ZNF462: variants seen among roughly 807,000 people sequenced by gnomAD.
The protein encoded by ZNF462 is zinc finger protein 462.
A neutral mutation model predicts 201.9 loss-of-function variants in ZNF462; 10 were observed. The ratio of observed to expected loss-of-function variants is 0.05; its 90% CI spans 0.03 to 0.08. ZNF462 has a LOEUF of 0.08. Ranked by LOEUF, ZNF462 falls within the 10% of genes least tolerant of loss-of-function variation. The probability of loss-of-function intolerance (pLI) is 1.00; values close to 1 mark genes in which losing one functional copy is unlikely to be tolerated. For missense variants in ZNF462, 2,523 were observed against 3,168.3 expected (o/e 0.80, Z 4.89); for synonymous variants, 1,227 against 1,193.3 (o/e 1.03, Z -0.58).
chr9:106,969,791 C>G (rs766126195), intron 7 of ZNF462, among the ~76,000 whole-genome samples: 2 of 152,202 alleles, frequency 1.3e-5, no homozygotes, highest in African/African-American at 4.8e-5. Flanking sequence ...CACAGGCCAG[C>G]AGGACCTGGC....
chr9:106,912,400 G>T (rs1829589321), intron 1 of ZNF462, among the ~76,000 whole-genome samples: 1 of 148,662 alleles, frequency 6.7e-6, no homozygotes, highest in South Asian at 2.1e-4. Context: ...TAGTCAATCT[G>T]CAAAAAAATG....
chr9:107,002,367 G>A (rs573640350), intron 10 of ZNF462, among the ~76,000 whole-genome samples: 35 of 152,300 alleles, frequency 2.3e-4, no homozygotes, highest in Admixed American at 2.6e-4. Flanking sequence ...CATAGAAGGC[G>A]TAGCCCATGG....
chr9:106,972,315 C>G lies in ZNF462; in HGVS notation c.6695+43C>G. 2 of 1,583,342 alleles carry G rather than the reference C, an allele frequency of 1.3e-6. No homozygotes were observed. On this transcript the variant is annotated intron_variant, in intron 8 of 12. Transcript: ENST00000277225. The surrounding 1 kb of genome is among the most constrained non-coding windows in gnomAD (Gnocchi z 4.8). ...CAGCTATGGAAAACAAGGCGGCCGC[C>G]CCTGCTCCACCCCTCACTGCAGGCT...
Position 106,938,928 on chromosome 9 carries a change from A to G in ZNF462, c.6248A>G (p.Tyr2083Cys), listed in dbSNP as rs146311912. The change falls in exon 7 of 13, where the codon TAC becomes TGC. Residue 2083 changes from tyrosine to cysteine, a missense_variant. Physicochemically the swap from Tyr to Cys is radical, Grantham distance 194 (BLOSUM62 -2). Coordinates refer to ENST00000277225, the MANE Select transcript of ZNF462 (RefSeq NM_021224.6). This position sits in a 1 kb window ranked among gnomAD's most constrained non-coding sequence, Gnocchi z 4.4. Reference sequence around the variant, plus strand: ...CATCCTCTTCCAGGTGAGCATGCCTACAAGTGTTCTTGGTGCTCATTCTCC... The same window carrying G: ...CATCCTCTTCCAGGTGAGCATGCCTGCAAGTGTTCTTGGTGCTCATTCTCC... ...ILKAHAGEHA[Y>C]KCSWCSFSTM... The G allele has an allele frequency of 1.6e-5, 25 of 1,609,546 alleles. No individual in the cohort carries two copies. Among genetic ancestry groups the G allele is most frequent in the South Asian group, 2.2e-5 (2 of 90,020 alleles).
In ZNF462 at chr9:106,872,908, T is replaced by A. The variant is rs1193549202; in HGVS notation, c.-31+9553T>A. Among the ~76,000 whole-genome samples the A allele has an allele frequency of 2.0e-5, 3 of 152,172 alleles. No individual in the cohort carries two copies. ...CTGGACAACGGTTTTTATTTTTTTT[T>A]AACATTTAATATGAACCAGGGACTG... is the stretch of plus-strand genomic sequence containing the variant. On this transcript the variant is annotated intron_variant, in intron 1 of 12. Coordinates refer to ENST00000277225, the MANE Select transcript of ZNF462 (RefSeq NM_021224.6). The surrounding 1 kb of genome is among the most constrained non-coding windows in gnomAD (Gnocchi z 4.5).
Position 106,925,217 on chromosome 9 carries a change from C to T in ZNF462, c.1305C>T (p.Phe435=). The stretch of plus-strand genomic sequence containing the variant: ...CCAAGGGGATTCCATTTAGAAGATT[C>T]ATGAATAGGTTCCAGTGCCCCTTTT... ...LETKGIPFRR[F]MNRFQCPFCP... The change falls in exon 3 of 13, where the codon TTC becomes TTT. Residue 435 remains phenylalanine, a synonymous_variant. Transcript: ENST00000277225. The surrounding 1 kb of genome is among the most constrained non-coding windows in gnomAD (Gnocchi z 7.9). The T allele has an allele frequency of 6.2e-7, 1 of 1,614,200 alleles. No individual in the cohort carries two copies. Among genetic ancestry groups the T allele is most frequent in the Non-Finnish European group, 8.5e-7 (1 of 1,180,030 alleles).
rs1830167509 is a variant in ZNF462, at chr9:106,925,720, C to T, written c.1808C>T (p.Thr603Ile). 1.9e-6 allele frequency: 3 copies of T among 1,614,172 alleles called. No individual in the cohort carries two copies. The highest frequency in any genetic ancestry group is 2.2e-5 in the East Asian group (1 of 44,886). ...QAAPLHPYKC[T>I]MCNYSTTTLK... ...GCACCTCTGCACCCATACAAATGCA[C>T]CATGTGTAATTACTCCACCACAACT... The change falls in exon 3 of 13, where the codon ACC (threonine) becomes ATC (isoleucine). Residue 603 changes from threonine (T) to isoleucine (I), a missense_variant. By Grantham distance (89) the Thr-to-Ile change is moderately conservative. This residue lies in a region of ZNF462 where 383 missense variants were observed against 453.4 expected (regional missense o/e 0.84). Transcript: ENST00000277225. The surrounding 1 kb of genome is among the most constrained non-coding windows in gnomAD (Gnocchi z 7.9).
Position 106,926,603 on chromosome 9 carries a change from C to T in ZNF462, c.2691C>T (p.Asn897=). The part of the protein sequence containing the change: ...RCLECYIDYT[N]FEDLQQHYGE... ...TGGAATGCTACATCGATTACACCAA[C>T]TTCGAAGATCTCCAGCAGCATTATG... Residue 897 remains asparagine, a synonymous_variant, in exon 3 of 13, where the codon AAC becomes AAT. Transcript: ENST00000277225. This position sits in a 1 kb window ranked among gnomAD's most constrained non-coding sequence, Gnocchi z 7.9. 2 of 1,614,144 alleles carry T rather than the reference C, an allele frequency of 1.2e-6. No individual in the cohort carries two copies. The highest frequency in any genetic ancestry group is 2.2e-5 in the East Asian group (1 of 44,884).
At position 106,950,438 on chromosome 9, in the gene ZNF462, T is replaced by A. The variant is rs572148830; in HGVS notation, c.6427+11331T>A. 6.6e-6 allele frequency among the ~76,000 whole-genome samples: 1 copy of A among 152,204 alleles called. No individual in the cohort carries two copies. Among genetic ancestry groups the A allele is most frequent in the Non-Finnish European group, 1.5e-5 (1 of 68,044 alleles). On this transcript the variant is annotated intron_variant, in intron 7 of 12. Coordinates refer to ENST00000277225, the MANE Select transcript of ZNF462 (RefSeq NM_021224.6). This position sits in a 1 kb window ranked among gnomAD's most constrained non-coding sequence, Gnocchi z 4.1. ...ATCACAAATTATTGTCCTTGTGAGT[T>A]GTGATTTTATTGTTACTCTGATTTT...
At chr9:106,861,812 A>G (rs2130717928), upstream of ZNF462, among the ~76,000 whole-genome samples, 1 of 152,312 alleles carries the variant, frequency 6.6e-6, no homozygotes, top group African/African-American at 2.4e-5. Context: ...ATTACACTAA[A>G]TAAAAATTCA....
chr9:106,924,883 T>A lies in ZNF462; in HGVS notation c.971T>A (p.Met324Lys). ...NTTVSNFRGS[M>K]GNSIMRPNSS... ...ACCGTCTCCAACTTCAGGGGCTCCA[T>A]GGGCAACTCCATCATGAGACCCAAT... The change falls in exon 3 of 13, where the codon ATG becomes AAG. Residue 324 changes from methionine to lysine, a missense_variant. By Grantham distance (95) the Met-to-Lys change is moderately conservative (BLOSUM62 -1). Around this residue, in one of 15 missense-constraint regions of ZNF462, gnomAD observed 480 missense variants for 544.4 expected, o/e 0.88. Transcript: ENST00000277225. This position sits in a 1 kb window ranked among gnomAD's most constrained non-coding sequence, Gnocchi z 6.2. 6.2e-7 allele frequency: 1 copy of A among 1,614,202 alleles called. No individual in the cohort carries two copies. Among genetic ancestry groups the A allele is most frequent in the South Asian group, 1.1e-5 (1 of 91,084 alleles).
chr9:106,871,009 G>T (rs376400638), intron 1 of ZNF462, among the ~76,000 whole-genome samples: 12 of 152,174 alleles, frequency 7.9e-5, no homozygotes, highest in African/African-American at 2.9e-4. Flanking sequence ...CAGAGGCTGG[G>T]GGGTGGGAGC....
At chr9:106,939,178 T>C (rs891576230) in intron 7 of ZNF462, 71 bp downstream of exon 7, 2 of 1,373,698 alleles carry the variant, frequency 1.5e-6, no homozygotes, top group African/African-American at 2.9e-5. Context: ...TGCCAATCAT[T>C]TTTTTTAGAG....
At chr9:106,908,552 C>T (rs1432361752) in intron 1 of ZNF462, among the ~76,000 whole-genome samples, 3 of 151,932 alleles carry the variant, frequency 2.0e-5, no homozygotes, top group African/African-American at 7.2e-5. Context: ...ATATGTGTCT[C>T]TTACAGACAG....
intron 10 of ZNF462, among the ~76,000 whole-genome samples, chr9:106,985,575 A>C (rs914181242): frequency 9.2e-5 from 14 of 152,212 alleles, no homozygotes; most frequent in Non-Finnish European, 1.8e-4. Flanking sequence ...AGAGCCTATC[A>C]AAATGCTTTT....
At chr9:106,982,447 C>T (rs1564150512) in intron 9 of ZNF462, among the ~76,000 whole-genome samples, 1 of 152,168 alleles carries the variant, frequency 6.6e-6, no homozygotes, top group Non-Finnish European at 1.5e-5. Context: ...AATATCCTAG[C>T]ATGAGCTCCT....
intron 1 of ZNF462, among the ~76,000 whole-genome samples, chr9:106,882,520 T>G (rs979954131): frequency 2.6e-5 from 4 of 152,240 alleles, no homozygotes; most frequent in Admixed American, 2.6e-4. Flanking sequence ...ATCCATATTA[T>G]GTACATTTTG....
At chr9:106,916,794 A>AG in intron 1 of ZNF462, among the ~76,000 whole-genome samples, 1 of 152,170 alleles carries the variant, frequency 6.6e-6, no homozygotes, top group East Asian at 1.9e-4. Context: ...AATTTCATTG[A>AG]GGGGGAGTCG....
chr9:106,904,451 GCTTCCTATATTT>G lies in ZNF462; in HGVS notation c.-30-18902_-30-18891del, dbSNP rs1479412439. Among the ~76,000 whole-genome samples the G allele has an allele frequency of 2.6e-5, 4 of 152,244 alleles. No individual in the cohort carries two copies. In the East Asian group the frequency reaches 7.7e-4, roughly 29 times the overall value. On this transcript the variant is annotated intron_variant, in intron 1 of 12. Transcript: ENST00000277225. Reference sequence around the variant, plus strand: ...AATGAATTTCCCAGGTGTTCTTTGTGCTTCCTATATTTGGCTGTCTAGGTCTCTCACAAGGCT... The same window carrying G: ...AATGAATTTCCCAGGTGTTCTTTGTGGGCTGTCTAGGTCTCTCACAAGGCT...
Sources: allele counts gnomAD v4.1 joint callset (sites outside exome capture counted in the v4.1 genomes callset), GRCh38; gene constraint gnomAD v4.1.1; regional missense constraint gnomAD v4.1.1; non-coding constraint Gnocchi (gnomAD v3.1); transcripts MANE v1.5; gene names NCBI Gene and HGNC (gene_info 2026-07-23, HGNC 2026-07-21).